The following MRPL21 variants were observed in gnomAD, a reference collection of about 807,000 sequenced individuals.
MRPL21 encodes the protein mitochondrial ribosomal protein L21, also known as large ribosomal subunit protein bL21m.
A neutral mutation model predicts 27.3 loss-of-function variants in MRPL21; 20 were observed. The observed-to-expected ratio is 0.73, with a 90% CI of 0.52 to 1.06. The LOEUF (loss-of-function observed/expected upper bound fraction) is 1.06. Among genes scored for constraint, MRPL21 ranks in the 50% least tolerant of loss-of-function variants. The pLI is 0.00. For synonymous variants in MRPL21, 98 were observed against 101.5 expected (o/e 0.97, Z 0.21); for missense variants, 249 against 251.4 (o/e 0.99, Z 0.06).
chr11:68,903,092 T>C (rs1858007663), intron 1 of MRPL21, among the ~76,000 whole-genome samples: 1 of 152,232 alleles, frequency 6.6e-6, no homozygotes, highest in South Asian at 2.1e-4. Context: ...TACTATTCTT[T>C]TAATATCGTC....
rs758539056 is a variant in MRPL21, at chr11:68,896,605, G to C, written c.306C>G (p.Ala102=). 1.2e-6 allele frequency: 2 copies of C among 1,614,124 alleles called. No individual in the cohort carries two copies. The highest frequency in any genetic ancestry group is 3.3e-5 in the Admixed American group (2 of 60,016). Reference sequence around the variant, plus strand: ...CAGAGGTCACCTTCCACTGGCGGCTGGCAAAGTGCACCACGGCAAAGAGCC... The same window carrying C: ...CAGAGGTCACCTTCCACTGGCGGCTCGCAAAGTGCACCACGGCAAAGAGCC... The part of the protein sequence containing the change: ...YGRLFAVVHF[A]SRQWKVTSED... The change falls in exon 4 of 7, where the codon GCC becomes GCG. Residue 102 remains alanine (A), a synonymous_variant. Transcript: ENST00000362034.
intron 1 of MRPL21, among the ~76,000 whole-genome samples, chr11:68,902,253 G>A (rs1857961985): frequency 6.6e-6 from 1 of 152,152 alleles, no homozygotes; most frequent in South Asian, 2.1e-4. Context: ...GCATTGGAGG[G>A]GTGGTTTCAT....
intron 3 of MRPL21, 123 bp from the exon 4 acceptor site, chr11:68,896,801 G>A: frequency 7.7e-7 from 1 of 1,295,424 alleles, no homozygotes; most frequent in Non-Finnish European, 1.1e-6. Context: ...CCCCTTGTGA[G>A]CACCTCACTG....
At chr11:68,901,789 T>C (rs573250517) in intron 1 of MRPL21, among the ~76,000 whole-genome samples, 1 of 152,188 alleles carries the variant, frequency 6.6e-6, no homozygotes, top group Non-Finnish European at 1.5e-5. Context: ...CACCTATCTA[T>C]CTGCCTTAGC....
intron 2 of MRPL21, 91 bp downstream of exon 2, chr11:68,900,457 T>C: frequency 8.6e-7 from 1 of 1,160,160 alleles, no homozygotes; most frequent in Non-Finnish European, 1.3e-6. Flanking sequence ...TAAATATTAT[T>C]GAGAACCAAA....
At chr11:68,899,970 G>A (rs887186544) in intron 2 of MRPL21, among the ~76,000 whole-genome samples, 7 of 152,316 alleles carry the variant, frequency 4.6e-5, no homozygotes, top group Admixed American at 3.9e-4. Flanking sequence ...GCTGTGAGGG[G>A]CAGCCGGAAC....
rs1056373810 is a variant in MRPL21, at chr11:68,903,711, C to G, written c.88+12G>C. On this transcript the variant is annotated intron_variant, in intron 1 of 6. Transcript: ENST00000362034. ...TCTGCGTCCTCCCTTCCTCCCATAT[C>G]CCAGGTCTCACCTGCTCCGGGCCCC... 1.9e-6 allele frequency: 3 copies of G among 1,613,032 alleles called. No homozygotes were observed. The highest frequency in any genetic ancestry group is 2.5e-6 in the Non-Finnish European group (3 of 1,179,898).
chr11:68,896,733 T>A, intron 3 of MRPL21, 55 bp from the exon 4 acceptor site: 1 of 1,602,424 alleles, frequency 6.2e-7, no homozygotes, highest in Non-Finnish European at 8.5e-7. Flanking sequence ...CCCCACGCGC[T>A]GCAGTGTGAT....
chr11:68,901,123 C>T (rs1857924601), intron 1 of MRPL21, among the ~76,000 whole-genome samples: 1 of 152,176 alleles, frequency 6.6e-6, no homozygotes, highest in African/African-American at 2.4e-5. Flanking sequence ...CTGTGAGCAG[C>T]CCTACCTAGA....
intron 1 of MRPL21, among the ~76,000 whole-genome samples, chr11:68,900,971 C>T (rs1399017809): frequency 6.6e-6 from 1 of 152,202 alleles, no homozygotes; most frequent in South Asian, 2.1e-4. Flanking sequence ...CCTGTTAGCC[C>T]CCTGGGAGTG....
At chr11:68,901,971 T>A (rs931976680) in intron 1 of MRPL21, among the ~76,000 whole-genome samples, 1 of 152,184 alleles carries the variant, frequency 6.6e-6, no homozygotes, top group African/African-American at 2.4e-5. Flanking sequence ...AGTCAACCCA[T>A]TGGCAAATCC....
intron 2 of MRPL21, among the ~76,000 whole-genome samples, chr11:68,899,325 T>C (rs745968279): frequency 1.5e-4 from 23 of 152,126 alleles, no homozygotes; most frequent in Non-Finnish European, 3.1e-4. Context: ...TACTCCAGGG[T>C]TGCATTAGGA....
intron 3 of MRPL21, 98 bp from the exon 4 acceptor site, chr11:68,896,776 A>C (rs1594405552): frequency 1.3e-6 from 2 of 1,515,958 alleles, no homozygotes; most frequent in Admixed American, 1.7e-5. Flanking sequence ...CCTAGGGTGG[A>C]CCTGACAGCC....
chr11:68,897,335 G>A (rs897690231), intron 3 of MRPL21, among the ~76,000 whole-genome samples: 1 of 152,198 alleles, frequency 6.6e-6, no homozygotes, highest in Non-Finnish European at 1.5e-5. Flanking sequence ...AGGGACGACA[G>A]AGTGCCTGCC....
intron 3 of MRPL21, among the ~76,000 whole-genome samples, chr11:68,897,060 G>C (rs578200447): frequency 3.3e-5 from 5 of 152,206 alleles, no homozygotes; most frequent in Non-Finnish European, 7.3e-5. Context: ...AGAATGAGGA[G>C]CCAGCAGACC....
rs986218392 is a variant in MRPL21 at position 68,891,389 on chromosome 11, G to A, written c.560C>T (p.Thr187Met). The A allele has an allele frequency of 9.9e-6, 16 of 1,613,864 alleles. No homozygotes were observed. The East Asian group carries it at 2.0e-4, about 20-fold the overall frequency. ...RKNFKKKRIV[T>M]TPQTVLRINS... ...TATCCGGAGGACAGTCTGCGGGGTC[G>A]TGACGACTGAAAGAAAGGATGTCAC... Residue 187 changes from threonine (T) to methionine (M), a missense_variant, in exon 7 of 7, where the codon ACG becomes ATG. Physicochemically the swap from Thr to Met is moderately conservative, Grantham distance 81. Coordinates refer to ENST00000362034, the MANE Select transcript of MRPL21 (RefSeq NM_181514.2).
chr11:68,891,844 A>C (rs945607988), intron 6 of MRPL21: 4 of 473,500 alleles, frequency 8.4e-6, no homozygotes, highest in African/African-American at 5.7e-5. Context: ...CGGCAACTGC[A>C]GTTATAGCAA....
intron 3 of MRPL21, among the ~76,000 whole-genome samples, chr11:68,897,380 C>T (rs189142186): frequency 8.5e-5 from 13 of 152,278 alleles, no homozygotes; most frequent in Admixed American, 2.6e-4. Context: ...GCACCAGCAC[C>T]GAGGGTGAAA....
intron 4 of MRPL21, 93 bp downstream of exon 4, chr11:68,896,422 G>A (rs1310028111): frequency 1.7e-5 from 25 of 1,479,568 alleles, no homozygotes; most frequent in South Asian, 2.4e-5. Flanking sequence ...AGACGGGGTC[G>A]GCGAGGGTCC....
Sources: gnomAD v4.1 joint callset for allele counts (sites outside exome capture counted in the v4.1 genomes callset) on GRCh38, gnomAD v4.1.1 for gene constraint, MANE v1.5 for transcripts, NCBI Gene and HGNC (gene_info 2026-07-23, HGNC 2026-07-21) for gene names.